The following FSTL4 variants were observed in gnomAD, a reference collection of about 807,000 sequenced individuals.
FSTL4 encodes the protein follistatin like 4.
A neutral mutation model predicts 78.2 loss-of-function variants in FSTL4; 28 were observed. The observed-to-expected ratio is 0.36, with a 90% CI of 0.27 to 0.49. The LOEUF is 0.49. Ranked by LOEUF, FSTL4 falls within the 20% of genes least tolerant of loss-of-function variation. The pLI is 0.98. For missense variants in FSTL4, 922 were observed against 1,084.9 expected (o/e 0.85, Z 2.11); for synonymous variants, 422 against 440.5 (o/e 0.96, Z 0.53).
intron 7 of FSTL4, chr5:133,244,992 T>C (rs1368632579): frequency 6.6e-6 from 1 of 152,178 alleles, no homozygotes. Context: ...TGGTGGTGCA[T>C]GCCTGTGGTC....
chr5:133,504,644 C>T (rs1381769509), intron 3 of FSTL4, among the ~76,000 whole-genome samples: 1 of 152,138 alleles, frequency 6.6e-6, no homozygotes, highest in Non-Finnish European at 1.5e-5. Flanking sequence ...CCCATGTATC[C>T]CCTCACTCCC....
intron 2 of FSTL4, among the ~76,000 whole-genome samples, chr5:133,598,776 G>A (rs1000238637): frequency 6.6e-6 from 1 of 152,178 alleles, no homozygotes; most frequent in Admixed American, 6.5e-5. Flanking sequence ...CTTGCCCAGG[G>A]TCTCATCTTC....
At chr5:133,310,123 T>A (rs1753745563) in intron 6 of FSTL4, among the ~76,000 whole-genome samples, 1 of 152,206 alleles carries the variant, frequency 6.6e-6, no homozygotes, top group Non-Finnish European at 1.5e-5. Context: ...TTGATCCCCA[T>A]ATGCTCCAAG....
At chr5:133,281,389 G>C (rs1753006984) in intron 6 of FSTL4, among the ~76,000 whole-genome samples, 1 of 152,098 alleles carries the variant, frequency 6.6e-6, no homozygotes, top group Non-Finnish European at 1.5e-5. Flanking sequence ...GACATTCCCT[G>C]AGCACCCTGC....
At chr5:133,674,585 ATGTGTGTGTGTGTGTGTGTGTGTGTC>A in the FSTL4 span, among the ~76,000 whole-genome samples, 1 of 149,922 alleles carries the variant, frequency 6.7e-6, no homozygotes, top group South Asian at 2.1e-4. Context: ...AGACTTCCAT[ATGTGTGTGTGTGTGTGTGTGTGTGTC>A]TGTGTGTGTG....
chr5:133,820,422 A>G, the FSTL4 span, among the ~76,000 whole-genome samples: 13 of 152,076 alleles, frequency 8.5e-5, no homozygotes, highest in African/African-American at 3.1e-4. Flanking sequence ...TGGTTACAAC[A>G]TTGTTTTTCT....
the FSTL4 span, among the ~76,000 whole-genome samples, chr5:133,714,507 AGGAGGTAC>A: frequency 1.3e-5 from 2 of 152,214 alleles, no homozygotes; most frequent in Admixed American, 6.5e-5. Context: ...TCTGGTACAG[AGGAGGTAC>A]TCAAAAATAC....
At chr5:133,547,023 C>G (rs1297606023) in intron 3 of FSTL4, among the ~76,000 whole-genome samples, 1 of 152,126 alleles carries the variant, frequency 6.6e-6, no homozygotes, top group East Asian at 1.9e-4. Context: ...CAGAGAGCCC[C>G]CATTAAGTAA....
chr5:133,470,807 T>A (rs462364), intron 3 of FSTL4, among the ~76,000 whole-genome samples: 3 of 139,516 alleles, frequency 2.2e-5, no homozygotes, highest in Admixed American at 7.2e-5. Flanking sequence ...AAAATAAAAA[T>A]AAATAAATAA....
chr5:133,637,673 C>T, the FSTL4 span, among the ~76,000 whole-genome samples: 8 of 152,120 alleles, frequency 5.3e-5, no homozygotes, highest in Admixed American at 2.0e-4. Flanking sequence ...TTGGGATGCT[C>T]TGGGTCCTAG....
At chr5:133,210,392 C>A in intron 13 of FSTL4, 94 bp from the exon 14 acceptor site, 1 of 694,070 alleles carries the variant, frequency 1.4e-6, no homozygotes. Context: ...GAGGGGAAAG[C>A]CAGTCTAGAA....
At chr5:133,688,875 C>T in the FSTL4 span, among the ~76,000 whole-genome samples, 77 of 152,324 alleles carry the variant, frequency 5.1e-4, no homozygotes, top group Admixed American at 1.0e-3. Flanking sequence ...TGGAGCCCCA[C>T]GCCAGGCGAA....
At chr5:133,743,795 C>T in the FSTL4 span, among the ~76,000 whole-genome samples, 2 of 152,208 alleles carry the variant, frequency 1.3e-5, no homozygotes, top group African/African-American at 2.4e-5. Context: ...CCCGCTTTAA[C>T]AGCTCCTGAT....
chr5:133,786,506 G>T, the FSTL4 span, among the ~76,000 whole-genome samples: 368 of 145,692 alleles, frequency 2.5e-3, 1 homozygote, highest in African/African-American at 8.7e-3. Flanking sequence ...ATAAGCTGCA[G>T]TTGTGGATCT....
intron 3 of FSTL4, among the ~76,000 whole-genome samples, chr5:133,526,765 G>A (rs1489944325): frequency 6.6e-6 from 1 of 152,136 alleles, no homozygotes; most frequent in Non-Finnish European, 1.5e-5. Flanking sequence ...AGGAGGAGAT[G>A]GGATGAATGC....
At chr5:133,653,092 A>C in the FSTL4 span, among the ~76,000 whole-genome samples, 51 of 152,292 alleles carry the variant, frequency 3.3e-4, no homozygotes, top group East Asian at 9.8e-3. Flanking sequence ...ACATACACCT[A>C]CATGCACATA....
intron 3 of FSTL4, among the ~76,000 whole-genome samples, chr5:133,524,103 C>T (rs1394780077): frequency 1.3e-5 from 2 of 152,148 alleles, no homozygotes; most frequent in African/African-American, 4.8e-5. Context: ...GACAGCACAG[C>T]ATGTGCACAG....
chr5:133,706,317 T>C, the FSTL4 span, among the ~76,000 whole-genome samples: 2 of 152,250 alleles, frequency 1.3e-5, no homozygotes, highest in East Asian at 3.8e-4. Flanking sequence ...CTTTAGTTAC[T>C]TGTATATCAC....
chr5:133,649,108 G>A, the FSTL4 span, among the ~76,000 whole-genome samples: 1 of 152,100 alleles, frequency 6.6e-6, no homozygotes, highest in African/African-American at 2.4e-5. Flanking sequence ...CATATGGTTG[G>A]ATCATGTAGT....
Sources: allele counts gnomAD v4.1 joint callset (sites outside exome capture counted in the v4.1 genomes callset), GRCh38; gene constraint gnomAD v4.1.1; transcripts MANE v1.5; gene names NCBI Gene and HGNC (gene_info 2026-07-23, HGNC 2026-07-21).